DCLRE1C: variants seen among roughly 807,000 people sequenced by gnomAD.
The protein encoded by DCLRE1C is protein artemis.
DCLRE1C carries 47 observed loss-of-function variants against 61.4 expected under a neutral mutation model. The observed-to-expected ratio is 0.77, with a 90% CI of 0.61 to 0.98. The LOEUF (loss-of-function observed/expected upper bound fraction) is 0.98. Ranked by LOEUF, DCLRE1C falls within the 50% of genes least tolerant of loss-of-function variation. The pLI is 0.00. For synonymous variants in DCLRE1C, 337 were observed against 287.6 expected (o/e 1.17, Z -1.74); for missense variants, 858 against 816.0 (o/e 1.05, Z -0.63).
rs549658505 is a variant in DCLRE1C, at chr10:14,944,834, C to T, written c.246+271G>A. Among the ~76,000 whole-genome samples, 6 of 151,930 alleles carry T rather than the reference C, an allele frequency of 3.9e-5. No homozygotes were observed. In the East Asian group the frequency reaches 7.8e-4, roughly 20 times the overall value. ...GGACTACAAGTGTGTGCCACGACAC[C>T]TGGCCAAATTTTGTATTTTTAGTAG... On this transcript the variant is annotated intron_variant, in intron 3 of 13. Transcript: ENST00000378278.
rs750862595 is a variant in DCLRE1C, at chr10:14,934,336, A to T, written c.678+44T>A. The T allele has an allele frequency of 5.6e-6, 9 of 1,597,416 alleles. No homozygotes were observed. In the African/African-American group the frequency reaches 1.1e-4, roughly 19 times the overall value. On this transcript the variant is annotated intron_variant, in intron 8 of 13. Transcript: ENST00000378278. ...TAGCAAGACTCCCTCTCAAAAAAAA[A>T]AAAAAAAGAAAAAAGAAAAGAAAAG...
chr10:14,935,087 G>A (rs546632555), intron 6 of DCLRE1C, among the ~76,000 whole-genome samples: 2 of 151,896 alleles, frequency 1.3e-5, no homozygotes, highest in Admixed American at 1.3e-4. Context: ...GCCTCCCAAA[G>A]TGCTGGGATT....
intron 9 of DCLRE1C, among the ~76,000 whole-genome samples, chr10:14,932,265 A>T (rs1262805312): frequency 6.6e-6 from 1 of 152,140 alleles, no homozygotes; most frequent in Admixed American, 6.6e-5. Context: ...TGTTTAAGTT[A>T]TAAGCTATAA....
In DCLRE1C at chr10:14,916,408, C is replaced by CAATT. The variant is rs1353816825; in HGVS notation, c.1156+3326_1156+3329dup. Among the ~76,000 whole-genome samples the CAATT allele has an allele frequency of 2.6e-5, 4 of 152,192 alleles. No homozygotes were observed. The East Asian group carries it at 7.7e-4, about 29-fold the overall frequency. ...GGTTGCAGGATACAAGATCAAAAAT[C>CAATT]AATTGCACAGGTTGCATTGCATATC... On this transcript the variant is annotated intron_variant, in intron 13 of 13. Transcript: ENST00000378278.
intron 1 of DCLRE1C, among the ~76,000 whole-genome samples, chr10:14,951,020 T>C (rs1361790856): frequency 1.3e-5 from 2 of 152,182 alleles, no homozygotes; most frequent in Non-Finnish European, 2.9e-5. Flanking sequence ...GCACACAGCA[T>C]TGGCTTCCAG....
chr10:14,945,353 G>A (rs1474402921), intron 2 of DCLRE1C, 164 bp from the exon 3 acceptor site: 21 of 1,374,144 alleles, frequency 1.5e-5, no homozygotes, highest in East Asian at 3.0e-5. Context: ...GCCTGGCATG[G>A]TTATGAAATC....
chr10:14,912,642 AGAT>A (rs1166449574), intron 13 of DCLRE1C, among the ~76,000 whole-genome samples: 3 of 152,238 alleles, frequency 2.0e-5, no homozygotes, highest in Non-Finnish European at 2.9e-5. Context: ...TACCTTGAAA[AGAT>A]AATGCGAAAT....
At chr10:14,914,746 C>G (rs1381386039) in intron 13 of DCLRE1C, among the ~76,000 whole-genome samples, 2 of 152,118 alleles carry the variant, frequency 1.3e-5, no homozygotes, top group Non-Finnish European at 2.9e-5. Flanking sequence ...TGAGACCAGC[C>G]TGGCCAACAT....
At chr10:14,940,333 GGCTGGA>G (rs1840672848) in intron 3 of DCLRE1C, among the ~76,000 whole-genome samples, 2 of 150,964 alleles carry the variant, frequency 1.3e-5, no homozygotes, top group Admixed American at 1.3e-4. Context: ...CTGTCACCCA[GGCTGGA>G]GCGCAGTGGT....
chr10:14,920,114 G>A (rs189804789), intron 12 of DCLRE1C, among the ~76,000 whole-genome samples: 1 of 152,216 alleles, frequency 6.6e-6, no homozygotes, highest in African/African-American at 2.4e-5. Context: ...TACATCAGTA[G>A]ACTAAGGTAA....
At chr10:14,931,035 A>G (rs1214764093) in intron 9 of DCLRE1C, among the ~76,000 whole-genome samples, 1 of 152,220 alleles carries the variant, frequency 6.6e-6, no homozygotes, top group African/African-American at 2.4e-5. Context: ...TATTACTACA[A>G]TAATAGTGAT....
chr10:14,903,334 A>T (rs777629147), downstream of DCLRE1C: 4 of 152,206 alleles, frequency 2.6e-5, no homozygotes, highest in Non-Finnish European at 5.9e-5. Flanking sequence ...AGTAACATGA[A>T]TTGGAAATCT....
chr10:14,953,750 G>A (rs560035124), intron 1 of DCLRE1C, 152 bp downstream of exon 1: 20 of 1,157,202 alleles, frequency 1.7e-5, no homozygotes, highest in East Asian at 2.6e-5. Context: ...GCCTTTGAGA[G>A]GCTGAAGAGC....
intron 13 of DCLRE1C, among the ~76,000 whole-genome samples, chr10:14,918,444 G>C (rs1262397932): frequency 6.6e-6 from 1 of 152,140 alleles, no homozygotes; most frequent in Non-Finnish European, 1.5e-5. Context: ...CAGATCAGTG[G>C]ATGCCTTGGC....
Position 14,919,842 on chromosome 10 carries a change from A to G in DCLRE1C, c.1062-10T>C. 6.2e-7 allele frequency: 1 copy of G among 1,600,912 alleles called. No homozygotes were observed. Among genetic ancestry groups the G allele is most frequent in the South Asian group, 1.1e-5 (1 of 90,800 alleles). ...GCATAAAGGCTTTAAGCTGAAATGA[A>G]TCAGAATATTTGATTTTTCCTTTTG... On this transcript the variant is annotated splice_polypyrimidine_tract_variant and intron_variant, in intron 12 of 13. Coordinates refer to ENST00000378278, the MANE Select transcript of DCLRE1C (RefSeq NM_001033855.3).
intron 12 of DCLRE1C, among the ~76,000 whole-genome samples, chr10:14,922,150 T>A (rs1327150844): frequency 1.3e-5 from 2 of 152,086 alleles, no homozygotes; most frequent in Non-Finnish European, 2.9e-5. Context: ...ACTAAAGAAA[T>A]CATTCATGGG....
chr10:14,932,962 C>G lies in DCLRE1C; in HGVS notation c.679-7G>C. ...CTAGCTTATTCACATGAACCTAAGG[C>G]AAATAATACATACATGCAAATTATG... On this transcript the variant is annotated splice_polypyrimidine_tract_variant and splice_region_variant and intron_variant, in intron 8 of 13. Transcript: ENST00000378278. 1 of 1,613,056 alleles carries G rather than the reference C, an allele frequency of 6.2e-7. No homozygotes were observed. The highest frequency in any genetic ancestry group is 8.5e-7 in the Non-Finnish European group (1 of 1,179,014).
Position 14,948,199 on chromosome 10 carries a change from C to A in DCLRE1C, c.161+837G>T, listed in dbSNP as rs368359728. Among the ~76,000 whole-genome samples, 37 of 151,576 alleles carry A rather than the reference C, an allele frequency of 2.4e-4. No homozygotes were observed. The South Asian group carries it at 7.5e-3, about 31-fold the overall frequency. On this transcript the variant is annotated intron_variant, in intron 2 of 13. Coordinates refer to ENST00000378278, the MANE Select transcript of DCLRE1C (RefSeq NM_001033855.3). The stretch of plus-strand genomic sequence containing the variant: ...AACCAGCCTGGGCAACATGGTAAGT[C>A]CCCGTCTCTACAAAAAAAAAAAAAA...
At chr10:14,943,526 T>C (rs1227144141) in intron 3 of DCLRE1C, among the ~76,000 whole-genome samples, 1 of 152,168 alleles carries the variant, frequency 6.6e-6, no homozygotes, top group African/African-American at 2.4e-5. Context: ...ATGTCTCTTA[T>C]AGACTAATAC....
Sources: allele counts gnomAD v4.1 joint callset (sites outside exome capture counted in the v4.1 genomes callset), GRCh38; gene constraint gnomAD v4.1.1; transcripts MANE v1.5; gene names NCBI Gene and HGNC (gene_info 2026-07-23, HGNC 2026-07-21).